Variants in MMP9 observed in about 807,000 individuals in gnomAD.
MMP9 encodes the protein matrix metallopeptidase 9, also known as matrix metalloproteinase-9.
In MMP9, 73 loss-of-function variants were observed where a neutral mutation model predicts 76.4. The observed-to-expected ratio is 0.96, with a 90% CI of 0.79 to 1.16. The LOEUF is 1.16. Ranked by LOEUF, MMP9 falls within the 50% of genes most tolerant of loss-of-function variation. The pLI is 0.00. For missense variants in MMP9, 943 were observed against 973.0 expected (o/e 0.97, Z 0.41); for synonymous variants, 412 against 408.4 (o/e 1.01, Z -0.11).
Position 46,011,130 on chromosome 20 carries a change from C to G in MMP9, c.650-13C>G, listed in dbSNP as rs533941846. On this transcript the variant is annotated splice_polypyrimidine_tract_variant and intron_variant, in intron 4 of 12. Coordinates refer to ENST00000372330, the MANE Select transcript of MMP9 (RefSeq NM_004994.3). ...ACCCGCCGCCCTAACTCCGGTCCCC[C>G]CTCCTCCTGCAGTGGTTCCAACTCG... 1.7e-5 allele frequency: 28 copies of G among 1,614,108 alleles called. No homozygotes were observed. In the African/African-American group the frequency reaches 2.0e-4, roughly 12 times the overall value.
chr20:46,012,571 G>C lies in MMP9; in HGVS notation c.1319G>C (p.Arg440Pro). The C allele has an allele frequency of 1.2e-6, 2 of 1,613,720 alleles. No homozygotes were observed. The highest frequency in any genetic ancestry group is 1.7e-6 in the Non-Finnish European group (2 of 1,180,006). The change falls in exon 8 of 13, where the codon CGG (arginine) becomes CCG (proline). Residue 440 changes from arginine (R) to proline (P), a missense_variant. By Grantham distance (103) the Arg-to-Pro change is moderately radical. Coordinates refer to ENST00000372330, the MANE Select transcript of MMP9 (RefSeq NM_004994.3). The stretch of plus-strand genomic sequence containing the variant: ...CATAAGGACGACGTGAATGGCATCC[G>C]GCACCTCTATGGTGAGGCAGGGGCA... ...PLHKDDVNGI[R>P]HLYGPRPEPE...
intron 1 of MMP9, 125 bp from the exon 2 acceptor site, chr20:46,009,741 C>A (rs578031747): frequency 1.4e-4 from 118 of 844,000 alleles, no homozygotes; most frequent in Admixed American, 1.2e-3. Flanking sequence ...TGGGCTGATA[C>A]CGTCTCTCCG....
chr20:46,012,492 G>T lies in MMP9; in HGVS notation c.1240G>T (p.Val414Leu). ...GHALGLDHSS[V>L]PEALMYPMYR... Reference sequence around the variant, plus strand: ...CGCGCTGGGCTTAGATCATTCCTCAGTGCCGGAGGCGCTCATGTACCCTAT... The same window carrying T: ...CGCGCTGGGCTTAGATCATTCCTCATTGCCGGAGGCGCTCATGTACCCTAT... The change falls in exon 8 of 13, where the codon GTG becomes TTG. Residue 414 changes from valine (V) to leucine (L), a missense_variant. Coordinates refer to ENST00000372330, the MANE Select transcript of MMP9 (RefSeq NM_004994.3). 6.2e-7 allele frequency: 1 copy of T among 1,614,132 alleles called. No homozygotes were observed. The highest frequency in any genetic ancestry group is 8.5e-7 in the Non-Finnish European group (1 of 1,179,952).
At position 46,011,068 on chromosome 20, in the gene MMP9, C is replaced by T. The variant is rs569019575; in HGVS notation, c.649+18C>T. ...GGGCGTCGGTGAGATTCTGAGTCCT[C>T]CTGGCCCCTGATTCCCTTCATTCTC... On this transcript the variant is annotated intron_variant, in intron 4 of 12. Coordinates refer to ENST00000372330, the MANE Select transcript of MMP9 (RefSeq NM_004994.3). 1 of 1,613,782 alleles carries T rather than the reference C, an allele frequency of 6.2e-7. No individual in the cohort carries two copies. The highest frequency in any genetic ancestry group is 8.5e-7 in the Non-Finnish European group (1 of 1,180,026).
rs1347800453 is a variant in MMP9, at chr20:46,013,128, G to T, written c.1331-127G>T. On this transcript the variant is annotated intron_variant, in intron 8 of 12. Transcript: ENST00000372330. The surrounding 1 kb of genome is among the most constrained non-coding windows in gnomAD (Gnocchi z 4.5). ...AGAAGAAAGTCCTGTGGTTTGGGAA[G>T]GGAGGCTGAGTGAGGAGGGGCCTGT... The T allele has an allele frequency of 9.1e-6, 10 of 1,100,488 alleles. No homozygotes were observed. The highest frequency in any genetic ancestry group is 1.7e-5 in the Admixed American group (1 of 58,982). The allele number at this position is 1,100,488 out of a possible 1,614,324, so 68.2% of individuals were successfully genotyped here. A position where few individuals can be genotyped will look rare whatever the true frequency, so the allele number is the denominator to read the frequency against.
chr20:46,011,853 T>C (rs984136001), intron 6 of MMP9, 106 bp downstream of exon 6: 1 of 1,380,054 alleles, frequency 7.2e-7, no homozygotes, highest in African/African-American at 1.4e-5. Flanking sequence ...CTCTCATTGG[T>C]CCTCAGGACG....
At chr20:46,012,011 C>G in intron 6 of MMP9, 126 bp from the exon 7 acceptor site, 1 of 1,313,448 alleles carries the variant, frequency 7.6e-7, no homozygotes. Context: ...CGGGTCTAGC[C>G]TCTTCTCAGG....
Position 46,011,004 on chromosome 20 carries a change from C to T in MMP9, c.603C>T (p.Asp201=), listed in dbSNP as rs1187196678. Residue 201 remains aspartate, a synonymous_variant, in exon 4 of 13, where the codon GAC becomes GAT. Coordinates refer to ENST00000372330, the MANE Select transcript of MMP9 (RefSeq NM_004994.3). ...CTCCTGGCCCCGGCATTCAGGGAGA[C>T]GCCCATTTCGACGATGACGAGTTGT... The part of the protein sequence containing the change: ...AFPPGPGIQG[D]AHFDDDELWS... 6.2e-7 allele frequency: 1 copy of T among 1,613,858 alleles called. No individual in the cohort carries two copies. Among genetic ancestry groups the T allele is most frequent in the Admixed American group, 1.7e-5 (1 of 60,010 alleles).
Position 46,011,130 on chromosome 20 carries a change from C to T in MMP9, c.650-13C>T. On this transcript the variant is annotated splice_polypyrimidine_tract_variant and intron_variant, in intron 4 of 12. Transcript: ENST00000372330. ...ACCCGCCGCCCTAACTCCGGTCCCC[C>T]CTCCTCCTGCAGTGGTTCCAACTCG... 1 of 1,614,108 alleles carries T rather than the reference C, an allele frequency of 6.2e-7. No individual in the cohort carries two copies. Among genetic ancestry groups the T allele is most frequent in the Non-Finnish European group, 8.5e-7 (1 of 1,180,042 alleles).
At position 46,016,499 on chromosome 20, in the gene MMP9, C is replaced by G; in HGVS notation, c.*131C>G. 1.3e-6 allele frequency: 1 copy of G among 769,950 alleles called. No individual in the cohort carries two copies. Among genetic ancestry groups the G allele is most frequent in the Non-Finnish European group, 2.3e-6 (1 of 433,092 alleles). 47.7% of individuals were successfully genotyped at this position (769,950 alleles called of 1,614,324 possible). On this transcript the variant is annotated 3_prime_UTR_variant, in exon 13 of 13. Transcript: ENST00000372330. ...GGGAGGAGTGGAGGTGGGCTGGGCC[C>G]TCTCTTCTCACCTTTGTTTTTTGTT...
chr20:46,014,227 G>A lies in MMP9; in HGVS notation c.1854G>A (p.Arg618=). ...ADVAQVTGAL[R]SGRGKMLLFS... is the part of the protein sequence containing the mutation. The stretch of plus-strand genomic sequence containing the variant: ...TGGCCCAGGTGACCGGGGCCCTCCG[G>A]AGTGGCAGGGGGAAGATGCTGCTGT... Residue 618 remains arginine, a synonymous_variant, in exon 11 of 13, where the codon CGG becomes CGA. Coordinates refer to ENST00000372330, the MANE Select transcript of MMP9 (RefSeq NM_004994.3). 1 of 1,536,344 alleles carries A rather than the reference G, an allele frequency of 6.5e-7. No homozygotes were observed. The highest frequency in any genetic ancestry group is 2.5e-5 in the East Asian group (1 of 40,764).
Position 46,008,955 on chromosome 20 carries a change from T to C in MMP9, c.29T>C (p.Val10Ala), listed in dbSNP as rs2084258396. The C allele has an allele frequency of 3.1e-6, 5 of 1,613,848 alleles. No homozygotes were observed. The African/African-American group carries it at 5.3e-5, about 17-fold the overall frequency. MSLWQPLVLVLLVLGCCFAA... is the reference protein window; with the variant it reads MSLWQPLVLALLVLGCCFAA... ...AGCCTCTGGCAGCCCCTGGTCCTGG[T>C]GCTCCTGGTGCTGGGCTGCTGCTTT... Residue 10 changes from valine (V) to alanine (A), a missense_variant, in exon 1 of 13, where the codon GTG becomes GCG. Physicochemically the swap from Val to Ala is moderately conservative, Grantham distance 64. Transcript: ENST00000372330.
chr20:46,014,249 C>CT lies in MMP9; in HGVS notation c.1877dup (p.Phe627ValfsTer61). 1 of 1,515,860 alleles carries CT rather than the reference C, an allele frequency of 6.6e-7. No homozygotes were observed. Among genetic ancestry groups the CT allele is most frequent in the Non-Finnish European group, 8.8e-7 (1 of 1,132,878 alleles). The allele number at this position is 1,515,860 out of a possible 1,614,324, so 93.9% of individuals were successfully genotyped here. On this transcript the variant is annotated frameshift_variant, in exon 11 of 13. Transcript: ENST00000372330. LOFTEE classifies it high-confidence loss of function. The stretch of plus-strand genomic sequence containing the variant: ...CCGGAGTGGCAGGGGGAAGATGCTG[C>CT]TGTTCAGCGGGCGGCGCCTCTGGAG...
In MMP9 at chr20:46,010,649, G is replaced by A. The variant is rs930335677; in HGVS notation, c.520+18G>A. The A allele has an allele frequency of 3.5e-5, 57 of 1,608,540 alleles. No homozygotes were observed. The highest frequency in any genetic ancestry group is 4.2e-5 in the Non-Finnish European group (50 of 1,177,230). On this transcript the variant is annotated intron_variant, in intron 3 of 12. Transcript: ENST00000372330. ...TGTCGCGGGTGAGAACGTGAGGAGGGAAAATCCAAGAGACCTGGGCGGGGT... is the reference window on the plus strand; with the variant it reads ...TGTCGCGGGTGAGAACGTGAGGAGGAAAAATCCAAGAGACCTGGGCGGGGT...
chr20:46,011,734 C>A lies in MMP9; in HGVS notation c.984C>A (p.Phe328Leu), dbSNP rs756128837. Residue 328 changes from phenylalanine to leucine, a missense_variant, in exon 6 of 13, where the codon TTC (phenylalanine) becomes TTA (leucine). Physicochemically the swap from Phe to Leu is conservative, Grantham distance 22 (BLOSUM62 0). Transcript: ENST00000372330. ...ACGACCGGGACAAGCTCTTCGGCTT[C>A]TGCCCGACCCGAGGTACCTCCACCC... ...ANYDRDKLFG[F>L]CPTRADSTVM... The A allele has an allele frequency of 6.2e-7, 1 of 1,612,356 alleles. No individual in the cohort carries two copies. Among genetic ancestry groups the A allele is most frequent in the Non-Finnish European group, 8.5e-7 (1 of 1,179,930 alleles).
Position 46,010,053 on chromosome 20 carries a change from C to T in MMP9, c.326C>T (p.Thr109Ile), listed in dbSNP as rs200316960. ...CGVPDLGRFQ[T>I]FEGDLKWHHH... ...GTCCCAGACCTGGGCAGATTCCAAA[C>T]CTTTGAGGGCGACCTCAAGTGGCAC... Residue 109 changes from threonine to isoleucine, a missense_variant, in exon 2 of 13, where the codon ACC (threonine) becomes ATC (isoleucine). By Grantham distance (89) the Thr-to-Ile change is moderately conservative. Coordinates refer to ENST00000372330, the MANE Select transcript of MMP9 (RefSeq NM_004994.3). The T allele has an allele frequency of 6.6e-5, 103 of 1,550,896 alleles. No homozygotes were observed. The highest frequency in any genetic ancestry group is 8.8e-5 in the Non-Finnish European group (101 of 1,146,882).
At position 46,011,255 on chromosome 20, in the gene MMP9, C is replaced by G. The variant is rs138398195; in HGVS notation, c.762C>G (p.Pro254=). The G allele has an allele frequency of 1.1e-5, 18 of 1,612,754 alleles. No individual in the cohort carries two copies. Among genetic ancestry groups the G allele is most frequent in the Non-Finnish European group, 1.4e-5 (17 of 1,179,992 alleles). Residue 254 remains proline, a synonymous_variant, in exon 5 of 13, where the codon CCC becomes CCG. Transcript: ENST00000372330. ...CCGACGGTCGCTCCGACGGCTTGCC[C>G]TGGTGCAGTACCACGGCCAACTACG... ...CTTDGRSDGL[P]WCSTTANYDT... is the part of the protein sequence containing the mutation.
At position 46,015,512 on chromosome 20, in the gene MMP9, A is replaced by G. The variant is rs183453304; in HGVS notation, c.2006-738A>G. Among the ~76,000 whole-genome samples, 34 of 138,856 alleles carry G rather than the reference A, an allele frequency of 2.4e-4. No individual in the cohort carries two copies. The Admixed American group carries it at 2.5e-3, about 10-fold the overall frequency. 91.1% of individuals were successfully genotyped at this position (138,856 alleles called of 152,430 possible). A position where few individuals can be genotyped will look rare whatever the true frequency, so the allele number is the denominator to read the frequency against. ...GTCGCCCAGGCTGGAGTGCAGTGGCACGATCTCAGCTCACTGCAACCTCCG... is the reference window on the plus strand; with the variant it reads ...GTCGCCCAGGCTGGAGTGCAGTGGCGCGATCTCAGCTCACTGCAACCTCCG... On this transcript the variant is annotated intron_variant, in intron 12 of 12. Transcript: ENST00000372330.
In MMP9 at chr20:46,009,025, A is replaced by T. The variant is rs1326744279; in HGVS notation, c.99A>T (p.Gly33=). 6.2e-7 allele frequency: 1 copy of T among 1,613,906 alleles called. No homozygotes were observed. Among genetic ancestry groups the T allele is most frequent in the Non-Finnish European group, 8.5e-7 (1 of 1,179,944 alleles). ...QRQSTLVLFP[G]DLRTNLTDRQ... ...AGTCCACCCTTGTGCTCTTCCCTGG[A>T]GACCTGAGAACCAATCTCACCGACA... Residue 33 remains glycine (G), a synonymous_variant, in exon 1 of 13, where the codon GGA becomes GGT. Coordinates refer to ENST00000372330, the MANE Select transcript of MMP9 (RefSeq NM_004994.3).
Sources: gnomAD v4.1 joint callset for allele counts (sites outside exome capture counted in the v4.1 genomes callset) on GRCh38, gnomAD v4.1.1 for gene constraint, Gnocchi (gnomAD v3.1) non-coding constraint, MANE v1.5 for transcripts, NCBI Gene and HGNC (gene_info 2026-07-23, HGNC 2026-07-21) for gene names.